CFAP43: variants seen among roughly 807,000 people sequenced by gnomAD.
CFAP43 encodes cilia- and flagella-associated protein 43.
A neutral mutation model predicts 218.9 loss-of-function variants in CFAP43; 155 were observed. The observed-to-expected ratio is 0.71, with a 90% confidence interval of 0.62 to 0.81. The LOEUF is 0.81. Ranked by LOEUF, CFAP43 falls within the 30% of genes least tolerant of loss-of-function variation. The pLI is 0.00. For synonymous variants in CFAP43, 645 were observed against 681.3 expected (o/e 0.95, Z 0.83); for missense variants, 1,778 against 1,954.3 (o/e 0.91, Z 1.70).
Position 104,162,481 on chromosome 10 carries a change from G to A in CFAP43, c.3247-78C>T, listed in dbSNP as rs2088931608. ...ACTTTCCTTCCACATACTGGGAGGA[G>A]GCTGGAAGATACTAAGGGGATTAAA... is the stretch of plus-strand genomic sequence containing the variant. On this transcript the variant is annotated intron_variant, in intron 24 of 37. Transcript: ENST00000357060. 10 of 1,263,716 alleles carry A rather than the reference G, an allele frequency of 7.9e-6. No individual in the cohort carries two copies. In the Admixed American group the frequency reaches 1.3e-4, roughly 17 times the overall value. 78.3% of individuals were successfully genotyped at this position (1,263,716 alleles called of 1,614,324 possible).
At chr10:104,193,661 G>T in intron 11 of CFAP43, 1 of 553,286 alleles carries the variant, frequency 1.8e-6, no homozygotes, top group East Asian at 3.2e-5. Context: ...TTGGTACCAG[G>T]CTGCCTGCAA....
chr10:104,138,543 C>T (rs1344226152), intron 34 of CFAP43, among the ~76,000 whole-genome samples: 4 of 151,964 alleles, frequency 2.6e-5, no homozygotes, highest in Non-Finnish European at 5.9e-5. Context: ...GGTGTGGTGG[C>T]GCATGCCTGT....
chr10:104,132,338 G>C (rs897676304), intron 35 of CFAP43, 142 bp from the exon 36 acceptor site: 4 of 666,174 alleles, frequency 6.0e-6, no homozygotes, highest in East Asian at 3.1e-5. Context: ...TTGGCCAGGC[G>C]TGGTGGCATA....
chr10:104,230,291 C>A (rs945356387), intron 2 of CFAP43, among the ~76,000 whole-genome samples: 43 of 151,906 alleles, frequency 2.8e-4, no homozygotes, highest in Non-Finnish European at 1.5e-4. Flanking sequence ...ATGGTGAAAC[C>A]CCATCTCTAC....
chr10:104,206,897 G>A (rs2090707633), intron 6 of CFAP43, among the ~76,000 whole-genome samples: 3 of 152,262 alleles, frequency 2.0e-5, no homozygotes, highest in Admixed American at 6.5e-5. Context: ...AATATGGCAG[G>A]GTGTGGTGGC....
rs201576554 is a variant in CFAP43, at chr10:104,196,839, T to C, written c.1293+14A>G. 30 of 1,578,736 alleles carry C rather than the reference T, an allele frequency of 1.9e-5. No homozygotes were observed. The highest frequency in any genetic ancestry group is 1.5e-5 in the Non-Finnish European group (17 of 1,160,852). On this transcript the variant is annotated intron_variant, in intron 10 of 37. Coordinates refer to ENST00000357060, the MANE Select transcript of CFAP43 (RefSeq NM_025145.7). ...TCAGTATTTTTTTAAAATCCATTTA[T>C]CAAGTATACTTACTAGGGTATTCAG...
chr10:104,195,402 T>C (rs1402088243), intron 10 of CFAP43, among the ~76,000 whole-genome samples: 1 of 152,240 alleles, frequency 6.6e-6, no homozygotes, highest in Non-Finnish European at 1.5e-5. Flanking sequence ...AGATCTCTCC[T>C]AGTTTACTAT....
chr10:104,188,307 C>A lies in CFAP43; in HGVS notation c.1650G>T (p.Arg550Ser), dbSNP rs756432594. 1.9e-6 allele frequency: 3 copies of A among 1,614,020 alleles called. No individual in the cohort carries two copies. Among genetic ancestry groups the A allele is most frequent in the African/African-American group, 2.7e-5 (2 of 74,926 alleles). ...ATGTAGGCAGTGTGAACATCTCCAACCTGCTTCTCCCTGCTTCTGGAAGCG... is the reference window on the plus strand; with the variant it reads ...ATGTAGGCAGTGTGAACATCTCCAAACTGCTTCTCCCTGCTTCTGGAAGCG... ...LSSLPEAGRSRLEMFTLPTLL... is the reference protein window; with the variant it reads ...LSSLPEAGRSSLEMFTLPTLL... Residue 550 changes from arginine (R) to serine (S), a missense_variant, in exon 13 of 38, where the codon AGG becomes AGT. Around this residue, in one of 3 missense-constraint regions of CFAP43, gnomAD observed 1,553 missense variants for 1,685.2 expected, o/e 0.92. Coordinates refer to ENST00000357060, the MANE Select transcript of CFAP43 (RefSeq NM_025145.7).
rs182093125 is a variant in CFAP43 at position 104,169,228 on chromosome 10, C to T, written c.2587-380G>A. 1.3e-3 allele frequency among the ~76,000 whole-genome samples: 193 copies of T among 152,248 alleles called. 1 individual carries two copies. Among genetic ancestry groups the T allele is most frequent in the Non-Finnish European group, 2.3e-3 (157 of 68,014 alleles). On this transcript the variant is annotated intron_variant, in intron 20 of 37. Coordinates refer to ENST00000357060, the MANE Select transcript of CFAP43 (RefSeq NM_025145.7). Reference sequence around the variant, plus strand: ...ACAGCAGGGAAGCAAAACCACTGAGCGAAGTCTTCCTGTTTTATTAGAGAG... The same window carrying T: ...ACAGCAGGGAAGCAAAACCACTGAGTGAAGTCTTCCTGTTTTATTAGAGAG...
intron 34 of CFAP43, among the ~76,000 whole-genome samples, chr10:104,134,917 A>G (rs1359817460): frequency 3.3e-5 from 5 of 152,208 alleles, no homozygotes; most frequent in Non-Finnish European, 7.3e-5. Flanking sequence ...CCAGAGAAAG[A>G]CATCACAAGA....
intron 5 of CFAP43, among the ~76,000 whole-genome samples, chr10:104,210,028 C>T (rs1194186962): frequency 6.6e-6 from 1 of 151,828 alleles, no homozygotes; most frequent in Non-Finnish European, 1.5e-5. Flanking sequence ...TAAGTCATCT[C>T]TAGGTTACTT....
chr10:104,130,994 G>A lies in CFAP43; in HGVS notation c.4831+337C>T, dbSNP rs1374092727. The stretch of plus-strand genomic sequence containing the variant: ...AGCTTGGGCAACAGAGGGACACCCT[G>A]TCTCAAAAAAAAAAAAAAAAAAAAA... On this transcript the variant is annotated intron_variant, in intron 37 of 37. Transcript: ENST00000357060. Among the ~76,000 whole-genome samples the A allele has an allele frequency of 5.4e-5, 6 of 110,102 alleles. No homozygotes were observed. In the East Asian group the frequency reaches 1.3e-3, roughly 23 times the overall value. The allele number at this position is 110,102 out of a possible 152,430, so 72.2% of individuals were successfully genotyped here.
intron 7 of CFAP43, among the ~76,000 whole-genome samples, chr10:104,204,862 TTTAGTGTAGG>T (rs2090633165): frequency 6.6e-6 from 1 of 152,092 alleles, no homozygotes; most frequent in African/African-American, 2.4e-5. Flanking sequence ...AGACCTATGT[TTTAGTGTAGG>T]TCAGTTCCAC....
At chr10:104,140,814 T>C in intron 34 of CFAP43, 28 bp downstream of exon 34, 4 of 1,543,184 alleles carry the variant, frequency 2.6e-6, no homozygotes, top group Non-Finnish European at 1.8e-6. Context: ...AGACCTTGAA[T>C]TAAAATAAAA....
intron 2 of CFAP43, among the ~76,000 whole-genome samples, chr10:104,227,835 CTTTTTTTTTTTTTTTTTTT>C (rs776193577): frequency 1.7e-5 from 1 of 58,370 alleles, no homozygotes; most frequent in Admixed American, 2.0e-4. Context: ...ATGTTTTCTA[CTTTTTTTTTTTTTTTTTTT>C]TTTTTTTTTT....
chr10:104,179,622 C>T (rs1404024177), intron 18 of CFAP43, among the ~76,000 whole-genome samples: 1 of 152,174 alleles, frequency 6.6e-6, no homozygotes, highest in Non-Finnish European at 1.5e-5. Flanking sequence ...TGTCAGCCTA[C>T]GTACAGTTCT....
Position 104,167,677 on chromosome 10 carries a change from G to C in CFAP43, c.2752C>G (p.Leu918Val). The C allele has an allele frequency of 1.9e-6, 3 of 1,612,304 alleles. No individual in the cohort carries two copies. Among genetic ancestry groups the C allele is most frequent in the Non-Finnish European group, 2.5e-6 (3 of 1,179,530 alleles). Residue 918 changes from leucine (L) to valine (V), a missense_variant, in exon 22 of 38, where the codon CTG (leucine) becomes GTG (valine). Leu to Val is a conservative substitution (Grantham distance 32). Around this residue, in one of 3 missense-constraint regions of CFAP43, gnomAD observed 1,553 missense variants for 1,685.2 expected, o/e 0.92. Transcript: ENST00000357060. The part of the protein sequence containing the change: ...FPMKARTVEE[L>V]KELERVLQQK... ...TGTAAAACTCTTTCCAATTCTTTCA[G>C]CTCTTCAACCGTGCGCGCTTTCATC...
chr10:104,152,528 G>A (rs940129574), intron 28 of CFAP43, 79 bp downstream of exon 28: 1 of 1,578,670 alleles, frequency 6.3e-7, no homozygotes, highest in Admixed American at 1.9e-5. Context: ...ACCTGGTAAG[G>A]ATGTTGATCT....
intron 3 of CFAP43, among the ~76,000 whole-genome samples, chr10:104,224,754 CA>C (rs66877503): frequency 0.096 from 6,739 of 70,040 alleles, 115 homozygotes; most frequent in African/African-American, 0.15. Context: ...GACTCCATCT[CA>C]AAAAAAAAAA....
Sources: allele counts gnomAD v4.1 joint callset (sites outside exome capture counted in the v4.1 genomes callset), GRCh38; gene constraint gnomAD v4.1.1; regional missense constraint gnomAD v4.1.1; transcripts MANE v1.5; gene names NCBI Gene and HGNC (gene_info 2026-07-23, HGNC 2026-07-21).